The following MAP4K5 variants were observed in gnomAD, a reference collection of about 807,000 sequenced individuals.
MAP4K5 encodes mitogen-activated protein kinase kinase kinase kinase 5.
Under a neutral mutation model 135.6 loss-of-function variants are expected in MAP4K5, and 82 were observed. The ratio of observed to expected loss-of-function variants is 0.60; its 90% CI spans 0.51 to 0.73. MAP4K5 has a LOEUF of 0.73. Among genes scored for constraint, MAP4K5 ranks in the 30% least tolerant of loss-of-function variants. MAP4K5 has a pLI of 0.00. For synonymous variants in MAP4K5, 347 were observed against 335.0 expected, an observed-to-expected ratio of 1.04 and a Z score of -0.39; for missense variants, 907 against 1,010.9, an observed-to-expected ratio of 0.90 and a Z score of 1.39.
At position 50,437,379 on chromosome 14, in the gene MAP4K5, C is replaced by G. The variant is rs2036118725; in HGVS notation, c.1882+97G>C. 3.2e-6 allele frequency: 3 copies of G among 932,150 alleles called. No homozygotes were observed. In the African/African-American group the frequency reaches 5.2e-5, roughly 16 times the overall value. The allele number at this position is 932,150 out of a possible 1,614,324, so 57.7% of individuals were successfully genotyped here. On this transcript the variant is annotated intron_variant, in intron 26 of 32. Transcript: ENST00000682126. ...CTTACTAAACACAAATTTTAAAAAC[C>G]TACCCTCCTTCCTATTTGATTCCAT...
intron 17 of MAP4K5, 44 bp from the exon 18 acceptor site, chr14:50,445,238 G>T (rs1358321669): frequency 1.3e-6 from 2 of 1,578,916 alleles, no homozygotes; most frequent in Non-Finnish European, 1.7e-6. Flanking sequence ...GTTATCATTA[G>T]GCATCAGAGT....
rs574630627 is a variant in MAP4K5 at position 50,453,678 on chromosome 14, A to T, written c.1015+2838T>A. On this transcript the variant is annotated intron_variant, in intron 14 of 32. Transcript: ENST00000682126. ...GAACACAACACTTCAAAAAGTTTCC[A>T]AGGAAACATACTCCCGGGTTTACTT... is the stretch of plus-strand genomic sequence containing the variant. Among the ~76,000 whole-genome samples the T allele has an allele frequency of 2.0e-5, 3 of 152,302 alleles. No individual in the cohort carries two copies. In the East Asian group the frequency reaches 5.8e-4, roughly 29 times the overall value.
At chr14:50,474,994 A>G in intron 9 of MAP4K5, 83 bp downstream of exon 9, 1 of 1,154,842 alleles carries the variant, frequency 8.7e-7, no homozygotes. Flanking sequence ...TTTAATTATT[A>G]CTTCTATTAC....
At chr14:50,558,191 C>T (rs2038786996) in intron 1 of MAP4K5, among the ~76,000 whole-genome samples, 1 of 151,998 alleles carries the variant, frequency 6.6e-6, no homozygotes, top group Non-Finnish European at 1.5e-5. Context: ...ATGGAGAAAC[C>T]CCGTCTCTAC....
intron 1 of MAP4K5, among the ~76,000 whole-genome samples, chr14:50,548,882 G>C (rs1178711508): frequency 6.6e-6 from 1 of 152,062 alleles, no homozygotes; most frequent in Non-Finnish European, 1.5e-5. Context: ...CATGTATAGG[G>C]CATTGCAACA....
chr14:50,448,731 C>T, intron 15 of MAP4K5, 43 bp downstream of exon 15: 1 of 1,261,932 alleles, frequency 7.9e-7, no homozygotes, highest in Non-Finnish European at 1.1e-6. Context: ...AAAGTTTTCT[C>T]AAATCTTAAT....
intron 26 of MAP4K5, 77 bp downstream of exon 26, chr14:50,437,399 T>C: frequency 3.5e-6 from 4 of 1,141,464 alleles, no homozygotes; most frequent in Non-Finnish European, 5.0e-6. Flanking sequence ...TCCTATTTGA[T>C]TCCATACGAC....
At chr14:50,423,061 AATTAAGAGTATG>A in intron 32 of MAP4K5, 48 bp downstream of exon 32, 1 of 753,372 alleles carries the variant, frequency 1.3e-6, no homozygotes, top group Non-Finnish European at 2.2e-6. Context: ...CTGACAGTAT[AATTAAGAGTATG>A]ATCTTTGAAC....
intron 2 of MAP4K5, among the ~76,000 whole-genome samples, chr14:50,509,322 G>T (rs890131801): frequency 1.3e-5 from 2 of 152,182 alleles, no homozygotes; most frequent in South Asian, 2.1e-4. Flanking sequence ...CAGAATTCGA[G>T]AATTCTCTTT....
At chr14:50,459,085 T>C (rs1436009652) in intron 13 of MAP4K5, among the ~76,000 whole-genome samples, 1 of 152,174 alleles carries the variant, frequency 6.6e-6, no homozygotes, top group African/African-American at 2.4e-5. Flanking sequence ...ACTACTGGGA[T>C]TACAGGCATT....
At chr14:50,428,447 G>C (rs1199906956) in intron 30 of MAP4K5, among the ~76,000 whole-genome samples, 1 of 5,742 alleles carries the variant, frequency 1.7e-4, no homozygotes, top group African/African-American at 1.9e-4. Context: ...GTAGAGACGG[G>C]GTTTCTCTCC....
At chr14:50,560,325 A>G (rs931926058) in intron 1 of MAP4K5, 2 of 1,612,806 alleles carry the variant, frequency 1.2e-6, no homozygotes, top group African/African-American at 2.7e-5. Flanking sequence ...GAACTTCTGC[A>G]GCCTGCACGG....
chr14:50,452,648 T>C (rs773682044), intron 14 of MAP4K5, among the ~76,000 whole-genome samples: 19 of 152,184 alleles, frequency 1.2e-4, no homozygotes, highest in Admixed American at 2.6e-4. Flanking sequence ...ACTCAATAAA[T>C]AGAATTTTGC....
intron 1 of MAP4K5, among the ~76,000 whole-genome samples, chr14:50,543,881 G>A (rs893950632): frequency 1.6e-4 from 25 of 152,118 alleles, no homozygotes; most frequent in African/African-American, 5.6e-4. Flanking sequence ...AGTGCCCAAG[G>A]GATTGATACT....
At chr14:50,420,150 T>G (rs1379152161) in intron 32 of MAP4K5, 44 bp from the exon 33 acceptor site, 1 of 1,032,534 alleles carries the variant, frequency 9.7e-7, no homozygotes, top group South Asian at 1.3e-5. Context: ...AACTACAGAT[T>G]TCATACATCA....
chr14:50,543,237 T>C (rs1480171080), intron 1 of MAP4K5, among the ~76,000 whole-genome samples: 1 of 152,220 alleles, frequency 6.6e-6, no homozygotes, highest in Admixed American at 6.5e-5. Flanking sequence ...TTACTGCCAC[T>C]ATGGAGTGAT....
intron 3 of MAP4K5, among the ~76,000 whole-genome samples, chr14:50,496,521 T>C (rs1038265187): frequency 2.0e-5 from 3 of 151,982 alleles, no homozygotes; most frequent in Admixed American, 6.6e-5. Context: ...TCTTTCTTTC[T>C]TTTTTGGGAC....
chr14:50,532,749 G>C (rs996618299), upstream of MAP4K5: 2 of 152,570 alleles, frequency 1.3e-5, no homozygotes, highest in South Asian at 2.1e-4. Context: ...GCGCCACCGC[G>C]CCCCCCTAGC....
chr14:50,557,372 G>T (rs1400477846), intron 1 of MAP4K5, among the ~76,000 whole-genome samples: 2 of 152,098 alleles, frequency 1.3e-5, no homozygotes, highest in Non-Finnish European at 2.9e-5. Context: ...TTCTGGTTTA[G>T]TCTTGCTGTA....
Sources: gnomAD v4.1 joint callset for allele counts (sites outside exome capture counted in the v4.1 genomes callset) on GRCh38, gnomAD v4.1.1 for gene constraint, MANE v1.5 for transcripts, NCBI Gene and HGNC (gene_info 2026-07-23, HGNC 2026-07-21) for gene names.